Variants in EEA1 observed in about 807,000 individuals in gnomAD.
The protein encoded by EEA1 is early endosome antigen 1, 162kD.
Under a neutral mutation model 209.2 loss-of-function variants are expected in EEA1, and 111 were observed. The ratio of observed to expected loss-of-function variants is 0.53; its 90% CI spans 0.45 to 0.62. The LOEUF is 0.62. Ranked by LOEUF, EEA1 falls within the 20% of genes least tolerant of loss-of-function variation. EEA1 has a pLI of 0.00. For missense variants in EEA1, 1,343 were observed against 1,530.8 expected, an observed-to-expected ratio of 0.88 and a Z score of 2.05; for synonymous variants, 536 against 540.6, an observed-to-expected ratio of 0.99 and a Z score of 0.12.
At chr12:92,901,218 CTTTT>C (rs911025328) in intron 1 of EEA1, among the ~76,000 whole-genome samples, 28 of 151,836 alleles carry the variant, frequency 1.8e-4, no homozygotes, top group Non-Finnish European at 3.8e-4. Context: ...AAATATTGTA[CTTTT>C]TTTTATTTTT....
At chr12:92,873,569 T>C (rs11106725) in intron 2 of EEA1, among the ~76,000 whole-genome samples, 203 of 152,310 alleles carry the variant, frequency 1.3e-3, no homozygotes, top group African/African-American at 4.8e-3. Context: ...GAGGTTAAAA[T>C]GTTCCTTGAG....
At chr12:92,827,882 C>T (rs769911022) in intron 12 of EEA1, 30 bp downstream of exon 12, 2 of 1,511,826 alleles carry the variant, frequency 1.3e-6, no homozygotes, top group Non-Finnish European at 8.8e-7. Context: ...ATGCCTCAAG[C>T]CTATCAATAA....
intron 1 of EEA1, among the ~76,000 whole-genome samples, chr12:92,891,939 T>A (rs1879670040): frequency 6.6e-6 from 1 of 152,224 alleles, no homozygotes; most frequent in Admixed American, 6.5e-5. Flanking sequence ...AAACAAAATG[T>A]ATACAACACT....
intron 2 of EEA1, among the ~76,000 whole-genome samples, chr12:92,875,780 A>G (rs1027458302): frequency 6.6e-6 from 1 of 152,128 alleles, no homozygotes; most frequent in African/African-American, 2.4e-5. Flanking sequence ...CGCTGACCCA[A>G]TCTCCCCCTT....
At chr12:92,852,824 C>T (rs993585437) in intron 7 of EEA1, 88 bp downstream of exon 7, 10 of 880,132 alleles carry the variant, frequency 1.1e-5, no homozygotes, top group African/African-American at 5.1e-5. Context: ...CTTTAACACA[C>T]TAAAATACTA....
chr12:92,821,138 G>C (rs965451547), intron 13 of EEA1: 1 of 152,034 alleles, frequency 6.6e-6, no homozygotes, highest in African/African-American at 2.4e-5. Flanking sequence ...AAAATACATA[G>C]ATAATTAAGA....
chr12:92,825,571 A>G (rs1440147732), intron 13 of EEA1, among the ~76,000 whole-genome samples: 1 of 152,124 alleles, frequency 6.6e-6, no homozygotes, highest in East Asian at 1.9e-4. Context: ...ATTCTAAGGT[A>G]TGCTGCAGAC....
chr12:92,850,147 C>T (rs1430110926), intron 9 of EEA1, among the ~76,000 whole-genome samples: 1 of 152,162 alleles, frequency 6.6e-6, no homozygotes, highest in Non-Finnish European at 1.5e-5. Flanking sequence ...TCTTCAAATA[C>T]CTCATGTGGA....
At chr12:92,926,209 T>C (rs971497961) in intron 1 of EEA1, among the ~76,000 whole-genome samples, 3 of 152,094 alleles carry the variant, frequency 2.0e-5, no homozygotes, top group African/African-American at 7.2e-5. Context: ...GTCAGGCTGG[T>C]CTCGAACTCC....
At chr12:92,819,768 A>AC (rs544415073) in intron 13 of EEA1, among the ~76,000 whole-genome samples, 368 of 152,022 alleles carry the variant, frequency 2.4e-3, no homozygotes, top group African/African-American at 8.5e-3. Context: ...CTCTAATATG[A>AC]CCTCCTGCTA....
intron 2 of EEA1, chr12:92,884,378 G>T: frequency 8.1e-7 from 1 of 1,232,984 alleles, no homozygotes. Context: ...AAACTTTGGC[G>T]GTGGTCGTGG....
At chr12:92,864,781 T>C in intron 3 of EEA1, 79 bp downstream of exon 3, 2 of 1,327,724 alleles carry the variant, frequency 1.5e-6, no homozygotes, top group Non-Finnish European at 2.0e-6. Flanking sequence ...ACTATTTTCA[T>C]AAGCTAATTA....
intron 1 of EEA1, among the ~76,000 whole-genome samples, chr12:92,898,721 CTTTTTTTCCCTTTTTTT>C (rs1565856312): frequency 7.5e-6 from 1 of 133,584 alleles, no homozygotes; most frequent in African/African-American, 2.8e-5. Flanking sequence ...TTTTTTTTTC[CTTTTTTTCCCTTTTTTT>C]TTTTTTTTTT....
chr12:92,817,084 T>G (rs1875829268), intron 14 of EEA1, among the ~76,000 whole-genome samples: 1 of 151,204 alleles, frequency 6.6e-6, no homozygotes. Context: ...AAAATTAAAA[T>G]TTTTTCAGCC....
chr12:92,781,498 T>C (rs1873900724), intron 23 of EEA1, among the ~76,000 whole-genome samples: 1 of 152,234 alleles, frequency 6.6e-6, no homozygotes, highest in South Asian at 2.1e-4. Flanking sequence ...ACTGGTCATA[T>C]ATTAGTAAAC....
chr12:92,858,475 T>C (rs941326112), intron 3 of EEA1: 5 of 1,093,232 alleles, frequency 4.6e-6, no homozygotes, highest in Admixed American at 3.4e-5. Context: ...GACATTGGTG[T>C]TGGAGACCAG....
chr12:92,780,709 A>G lies in EEA1; in HGVS notation c.3337-298T>C, dbSNP rs182270690. On this transcript the variant is annotated intron_variant, in intron 23 of 28. Transcript: ENST00000322349. ...TTACTCTTATAACTCCTATTTTATT[A>G]CTATCACTATCTTTATATAAGGTAT... 4.4e-3 allele frequency among the ~76,000 whole-genome samples: 665 copies of G among 152,340 alleles called. 3 individuals carry two copies. Among genetic ancestry groups the G allele is most frequent in the Non-Finnish European group, 8.1e-3 (548 of 68,028 alleles).
At chr12:92,915,845 C>T (rs1371669050) in intron 1 of EEA1, among the ~76,000 whole-genome samples, 1 of 152,132 alleles carries the variant, frequency 6.6e-6, no homozygotes, top group Non-Finnish European at 1.5e-5. Context: ...GGATGTCAAA[C>T]ATATTTCCAG....
intron 1 of EEA1, among the ~76,000 whole-genome samples, chr12:92,902,481 G>A (rs1193703135): frequency 1.3e-5 from 2 of 152,128 alleles, no homozygotes; most frequent in Admixed American, 6.5e-5. Context: ...GATGGCTCAC[G>A]CCTGTAATCC....
Sources: gnomAD v4.1 joint callset for allele counts (sites outside exome capture counted in the v4.1 genomes callset) on GRCh38, gnomAD v4.1.1 for gene constraint, MANE v1.5 for transcripts, NCBI Gene and HGNC (gene_info 2026-07-23, HGNC 2026-07-21) for gene names.